The following FOXP2 variants were observed in gnomAD, a reference collection of about 807,000 sequenced individuals.
The protein encoded by FOXP2 is forkhead box protein P2.
Under a neutral mutation model 115.8 loss-of-function variants are expected in FOXP2, and 12 were observed. That is an observed-to-expected ratio of 0.10 (90% CI 0.07 to 0.17). The LOEUF (loss-of-function observed/expected upper bound fraction) is 0.17. FOXP2 is among the 10% of genes least tolerant of loss of function. The pLI is 1.00. For missense variants in FOXP2, 629 were observed against 843.5 expected, an observed-to-expected ratio of 0.75 and a Z score of 3.15; for synonymous variants, 328 against 297.7, an observed-to-expected ratio of 1.10 and a Z score of -1.05.
chr7:114,281,274 G>A (rs1272585504), intron 1 of FOXP2, among the ~76,000 whole-genome samples: 2 of 151,502 alleles, frequency 1.3e-5, no homozygotes, highest in Non-Finnish European at 2.9e-5. Flanking sequence ...GCTAATTTTT[G>A]TATTTTTATT....
chr7:114,336,509 A>G (rs942482118), intron 2 of FOXP2, among the ~76,000 whole-genome samples: 7 of 151,516 alleles, frequency 4.6e-5, no homozygotes, highest in African/African-American at 1.4e-4. Context: ...AAATAGTTAC[A>G]TCTTATTATA....
chr7:114,092,469 A>G (rs1799560878), intron 1 of FOXP2, among the ~76,000 whole-genome samples: 1 of 151,938 alleles, frequency 6.6e-6, no homozygotes, highest in Non-Finnish European at 1.5e-5. Context: ...TTAGCTTTGT[A>G]TCATTTTAGT....
chr7:114,135,089 G>A (rs747889641), intron 1 of FOXP2, among the ~76,000 whole-genome samples: 1 of 152,230 alleles, frequency 6.6e-6, no homozygotes, highest in African/African-American at 2.4e-5. Context: ...GAATTATGGA[G>A]TAAGACATAG....
chr7:114,393,701 C>T (rs1173562591), intron 2 of FOXP2, among the ~76,000 whole-genome samples: 1 of 151,860 alleles, frequency 6.6e-6, no homozygotes, highest in Non-Finnish European at 1.5e-5. Flanking sequence ...TTGTTGGAAC[C>T]CAGGTTGAGA....
rs1448745979 is a variant in FOXP2 at position 114,219,459 on chromosome 7, G to C, written c.-102+56371G>C. On this transcript the variant is annotated intron_variant, in intron 1 of 17. Transcript: ENST00000634411. ...ATGTCAAAATATTTTTTCTGCTTTT[G>C]AAGTTTTTCTTATCAATAGTAACAG... 3.9e-5 allele frequency among the ~76,000 whole-genome samples: 6 copies of C among 152,000 alleles called. No homozygotes were observed. In the East Asian group the frequency reaches 9.6e-4, roughly 24 times the overall value.
chr7:114,340,654 G>A (rs1490274964), intron 2 of FOXP2, among the ~76,000 whole-genome samples: 1 of 151,038 alleles, frequency 6.6e-6, no homozygotes, highest in African/African-American at 2.4e-5. Flanking sequence ...TGATTTTGTA[G>A]TCAGTAGCAT....
chr7:114,117,335 C>T (rs1220100692), intron 1 of FOXP2, among the ~76,000 whole-genome samples: 5 of 151,646 alleles, frequency 3.3e-5, no homozygotes, highest in Admixed American at 1.3e-4. Flanking sequence ...GATTCTCATG[C>T]CCTAGCCTCC....
chr7:114,457,823 A>G (rs899449311), intron 2 of FOXP2, among the ~76,000 whole-genome samples: 8 of 150,762 alleles, frequency 5.3e-5, no homozygotes, highest in East Asian at 2.0e-4. Context: ...GCGTGAACCC[A>G]GGAGGCAGAG....
chr7:114,671,047 T>C (rs75716819), intron 16 of FOXP2, among the ~76,000 whole-genome samples: 3,751 of 152,184 alleles, frequency 0.025, 65 homozygotes, highest in Non-Finnish European at 0.035. Flanking sequence ...TTTTCTAACA[T>C]TTCTGGTCCT....
intron 1 of FOXP2, among the ~76,000 whole-genome samples, chr7:114,140,713 G>A (rs369773334): frequency 1.3e-5 from 2 of 152,182 alleles, no homozygotes; most frequent in Non-Finnish European, 2.9e-5. Context: ...ACACACAAAG[G>A]AAATGATGGT....
chr7:114,371,751 T>C (rs1366648855), intron 2 of FOXP2, among the ~76,000 whole-genome samples: 1 of 152,162 alleles, frequency 6.6e-6, no homozygotes, highest in East Asian at 1.9e-4. Context: ...TAGTAACTAC[T>C]AAATAAATGT....
At chr7:114,457,732 A>T (rs1795374282) in intron 2 of FOXP2, among the ~76,000 whole-genome samples, 1 of 152,114 alleles carries the variant, frequency 6.6e-6, no homozygotes. Context: ...CCCCGTCTCT[A>T]CTAAAAATAC....
At chr7:114,178,372 CT>C in intron 1 of FOXP2, among the ~76,000 whole-genome samples, 1 of 151,734 alleles carries the variant, frequency 6.6e-6, no homozygotes, top group Non-Finnish European at 1.5e-5. Context: ...ATATTTTCAT[CT>C]TGACATTTTA....
intron 2 of FOXP2, among the ~76,000 whole-genome samples, chr7:114,404,501 C>T (rs935639308): frequency 6.6e-6 from 1 of 152,022 alleles, no homozygotes; most frequent in Non-Finnish European, 1.5e-5. Context: ...TATTCTCCTT[C>T]AGCTTTGTAT....
chr7:114,643,981 T>C (rs901048259), intron 7 of FOXP2, among the ~76,000 whole-genome samples: 1 of 152,174 alleles, frequency 6.6e-6, no homozygotes. Flanking sequence ...CTGGCCTTCA[T>C]TTGAGTATCA....
chr7:114,570,652 T>C (rs535127976), intron 3 of FOXP2, among the ~76,000 whole-genome samples: 1 of 151,986 alleles, frequency 6.6e-6, no homozygotes, highest in African/African-American at 2.4e-5. Flanking sequence ...TCTATACTGG[T>C]TAACTGTGAG....
intron 2 of FOXP2, among the ~76,000 whole-genome samples, chr7:114,484,819 T>A (rs1435978299): frequency 2.0e-5 from 3 of 152,054 alleles, no homozygotes; most frequent in East Asian, 1.9e-4. Flanking sequence ...AAAATCATTA[T>A]CTATTCTACA....
At chr7:114,677,766 G>A (rs1563074742) in intron 16 of FOXP2, among the ~76,000 whole-genome samples, 1 of 152,182 alleles carries the variant, frequency 6.6e-6, no homozygotes, top group Non-Finnish European at 1.5e-5. Flanking sequence ...ATTAATGAGG[G>A]TGCCTGTAAA....
At chr7:114,319,957 G>T (rs570786596) in intron 2 of FOXP2, among the ~76,000 whole-genome samples, 1 of 152,112 alleles carries the variant, frequency 6.6e-6, no homozygotes, top group African/African-American at 2.4e-5. Context: ...TTAATATTCA[G>T]GTCCCTGGGA....
Sources: allele counts gnomAD v4.1 joint callset (sites outside exome capture counted in the v4.1 genomes callset), GRCh38; gene constraint gnomAD v4.1.1; transcripts MANE v1.5; gene names NCBI Gene and HGNC (gene_info 2026-07-23, HGNC 2026-07-21).